The following MMP26 variants were observed in gnomAD, a reference collection of about 807,000 sequenced individuals.
MMP26 encodes the protein matrix metalloproteinase-26.
MMP26 carries 33 observed loss-of-function variants against 31.0 expected under a neutral mutation model. The observed-to-expected ratio is 1.06, with a 90% CI of 0.81 to 1.42. MMP26 has a LOEUF of 1.42. MMP26 is among the 40% of genes most tolerant of loss of function. The pLI, the probability that MMP26 is intolerant of heterozygous loss-of-function variation, is 0.00. For synonymous variants in MMP26, 122 were observed against 114.9 expected (o/e 1.06, Z -0.40); for missense variants, 347 against 316.1 (o/e 1.10, Z -0.74).
At chr11:4,950,687 AT>A (rs1247308160) in intron 2 of MMP26, among the ~76,000 whole-genome samples, 2 of 123,402 alleles carry the variant, frequency 1.6e-5, no homozygotes, top group African/African-American at 5.5e-5. Flanking sequence ...TCAAAAAAAA[AT>A]ATTATTATTA....
At chr11:4,789,222 T>C (rs945008084) in intron 2 of MMP26, among the ~76,000 whole-genome samples, 16 of 152,228 alleles carry the variant, frequency 1.1e-4, no homozygotes, top group African/African-American at 3.6e-4. Flanking sequence ...CATTTTTGTA[T>C]TGCAAAATTT....
intron 2 of MMP26, among the ~76,000 whole-genome samples, chr11:4,828,956 C>T (rs1849612393): frequency 6.6e-6 from 1 of 152,146 alleles, no homozygotes; most frequent in Non-Finnish European, 1.5e-5. Context: ...AATCTGGTTT[C>T]AGTCACCCAT....
intron 2 of MMP26, among the ~76,000 whole-genome samples, chr11:4,925,636 T>C (rs142868754): frequency 7.0e-4 from 106 of 152,136 alleles, no homozygotes; most frequent in African/African-American, 2.5e-3. Context: ...GGTCAGTTCA[T>C]AAAACTGATA....
At chr11:4,726,439 G>A (rs912881965) in intron 1 of MMP26, among the ~76,000 whole-genome samples, 1 of 151,890 alleles carries the variant, frequency 6.6e-6, no homozygotes, top group Non-Finnish European at 1.5e-5. Context: ...TCCAGCCTGG[G>A]AGACAAGAGT....
intron 1 of MMP26, chr11:4,711,342 A>G (rs1405191731): frequency 2.0e-5 from 3 of 152,232 alleles, no homozygotes; most frequent in East Asian, 1.9e-4. Flanking sequence ...GTAAATGCAC[A>G]TTAAAAAGTA....
At chr11:4,925,678 A>AACT (rs2133585717) in intron 2 of MMP26, among the ~76,000 whole-genome samples, 1 of 152,248 alleles carries the variant, frequency 6.6e-6, no homozygotes, top group African/African-American at 2.4e-5. Flanking sequence ...ATAATGTTAA[A>AACT]ACTAGAAAGG....
At chr11:4,882,025 G>T in intron 2 of MMP26, 1 of 1,613,784 alleles carries the variant, frequency 6.2e-7, no homozygotes. Flanking sequence ...TTGCCCTCTT[G>T]GGAAACAGTA....
At position 4,931,561 on chromosome 11, in the gene MMP26, T is replaced by C. The variant is rs147229138; in HGVS notation, c.-144-56507T>C. On this transcript the variant is annotated intron_variant, in intron 2 of 7. Transcript: ENST00000380390. ...CATTAATTAAAGTATATTAAAACAA[T>C]AAATAAATTAATAAGAATTGGACAA... is the stretch of plus-strand genomic sequence containing the variant. 1.1e-4 allele frequency among the ~76,000 whole-genome samples: 17 copies of C among 152,134 alleles called. 1 individual carries two copies. The East Asian group carries it at 3.3e-3, about 29-fold the overall frequency.
At chr11:4,908,151 A>G in intron 2 of MMP26, 5 of 1,614,192 alleles carry the variant, frequency 3.1e-6, no homozygotes, top group East Asian at 2.2e-5. Context: ...GCTGCCATGC[A>G]TCACTTTGCC....
chr11:4,904,939 A>C (rs1018620548), intron 2 of MMP26, among the ~76,000 whole-genome samples: 1 of 152,136 alleles, frequency 6.6e-6, no homozygotes, highest in Non-Finnish European at 1.5e-5. Flanking sequence ...TGTGCATGGT[A>C]GTAATGGAGT....
chr11:4,722,919 G>T, intron 1 of MMP26: 1 of 786,202 alleles, frequency 1.3e-6, no homozygotes, highest in Non-Finnish European at 2.3e-6. Context: ...GCCGAGCTTA[G>T]ACCACCTGCA....
intron 1 of MMP26, among the ~76,000 whole-genome samples, chr11:4,755,423 C>A (rs1489515647): frequency 6.6e-6 from 1 of 151,808 alleles, no homozygotes; most frequent in Non-Finnish European, 1.5e-5. Context: ...GGAGTCTGTA[C>A]CAACATAAAA....
chr11:4,974,432 A>C (rs1846708834), intron 2 of MMP26, among the ~76,000 whole-genome samples: 1 of 151,994 alleles, frequency 6.6e-6, no homozygotes, highest in Non-Finnish European at 1.5e-5. Flanking sequence ...CCTTTCCTCG[A>C]ATCTTTTATA....
chr11:4,769,909 G>A (rs535852807), intron 2 of MMP26: 1 of 1,587,808 alleles, frequency 6.3e-7, no homozygotes, highest in African/African-American at 1.3e-5. Context: ...AGTTGCTTAG[G>A]ATTTCCATGG....
chr11:4,798,860 C>T (rs1416585707), intron 2 of MMP26, among the ~76,000 whole-genome samples: 1 of 152,178 alleles, frequency 6.6e-6, no homozygotes, highest in African/African-American at 2.4e-5. Flanking sequence ...TGGCTCTGTG[C>T]AGAGTAGAAA....
At chr11:4,719,705 C>T (rs1847985493) in intron 1 of MMP26, 1 of 152,140 alleles carries the variant, frequency 6.6e-6, no homozygotes, top group Non-Finnish European at 1.5e-5. Flanking sequence ...ACTGTGAACT[C>T]AGAGAGATTA....
At chr11:4,984,424 A>G (rs576877634) in intron 2 of MMP26, among the ~76,000 whole-genome samples, 1 of 152,262 alleles carries the variant, frequency 6.6e-6, no homozygotes, top group African/African-American at 2.4e-5. Context: ...TATAATGATC[A>G]CTTGTCCTGT....
At chr11:4,796,278 A>C in intron 2 of MMP26, among the ~76,000 whole-genome samples, 1 of 152,358 alleles carries the variant, frequency 6.6e-6, no homozygotes. Flanking sequence ...CTAATGAATT[A>C]AAACTTCTCA....
rs995360961 is a variant in MMP26, at chr11:4,704,819, C to T, written c.-443C>T. The T allele has an allele frequency of 6.6e-6, 1 of 152,210 alleles. No individual in the cohort carries two copies. The highest frequency in any genetic ancestry group is 1.5e-5 in the Non-Finnish European group (1 of 68,078). The allele number at this position is 152,210 out of a possible 1,614,324, so 9.4% of individuals were successfully genotyped here. On this transcript the variant is annotated 5_prime_UTR_variant, in exon 1 of 8. Coordinates refer to ENST00000380390, the MANE Select transcript of MMP26 (RefSeq NM_021801.5). ...TTCCTGAATTTTTTCCCTATGTTTT[C>T]TCCTGGCAGAAGAGGACCTCTTTGT...
Sources: gnomAD v4.1 joint callset for allele counts (sites outside exome capture counted in the v4.1 genomes callset) on GRCh38, gnomAD v4.1.1 for gene constraint, MANE v1.5 for transcripts, NCBI Gene and HGNC (gene_info 2026-07-23, HGNC 2026-07-21) for gene names.